The following RICTOR variants were observed in gnomAD, a reference collection of about 807,000 sequenced individuals.
The protein encoded by RICTOR is RPTOR independent companion of MTOR complex 2, also known as rapamycin-insensitive companion of mTOR.
RICTOR carries 49 observed loss-of-function variants against 214.9 expected under a neutral mutation model. That is an observed-to-expected ratio of 0.23 (90% CI 0.18 to 0.29). The LOEUF is 0.29. Ranked by LOEUF, RICTOR falls within the 10% of genes least tolerant of loss-of-function variation. The pLI is 1.00. For synonymous variants in RICTOR, 717 were observed against 711.3 expected, an observed-to-expected ratio of 1.01 and a Z score of -0.13; for missense variants, 1,625 against 2,047.0, an observed-to-expected ratio of 0.79 and a Z score of 3.98.
chr5:38,998,662 T>C (rs1194541982), intron 5 of RICTOR, among the ~76,000 whole-genome samples: 1 of 152,144 alleles, frequency 6.6e-6, no homozygotes, highest in African/African-American at 2.4e-5. Flanking sequence ...ATGGTTAATA[T>C]GCTAAAGAAA....
intron 2 of RICTOR, among the ~76,000 whole-genome samples, chr5:39,073,749 C>T (rs948516471): frequency 1.3e-5 from 2 of 152,200 alleles, no homozygotes; most frequent in African/African-American, 4.8e-5. Context: ...ACAGCCTCTA[C>T]CTCCCTCCAG....
chr5:38,997,479 T>C (rs1753263110), intron 5 of RICTOR, among the ~76,000 whole-genome samples: 1 of 152,188 alleles, frequency 6.6e-6, no homozygotes, highest in African/African-American at 2.4e-5. Flanking sequence ...CAGTTCATTA[T>C]TCTAATCAAT....
chr5:38,977,771 G>C (rs1361427254), intron 9 of RICTOR, among the ~76,000 whole-genome samples: 1 of 151,710 alleles, frequency 6.6e-6, no homozygotes, highest in African/African-American at 2.4e-5. Context: ...ATTTTTAGTA[G>C]AGACGGGGTT....
intron 5 of RICTOR, among the ~76,000 whole-genome samples, chr5:38,997,314 A>G (rs1167379980): frequency 1.3e-5 from 2 of 152,196 alleles, no homozygotes; most frequent in East Asian, 3.8e-4. Context: ...CACTATCCAT[A>G]AAAATTCTAT....
rs933284985 is a variant in RICTOR, at chr5:38,938,230, G to A, written c.*4074C>T. ...CCAGAACCTCCAAATATGTAGCAGC[G>A]TATTACTAAATAAAAAAGAAGAAAC... On this transcript the variant is annotated 3_prime_UTR_variant, in exon 38 of 38. Coordinates refer to ENST00000357387, the MANE Select transcript of RICTOR (RefSeq NM_152756.5). The A allele has an allele frequency of 1.3e-5, 3 of 224,378 alleles. No individual in the cohort carries two copies. The highest frequency in any genetic ancestry group is 6.5e-5 in the East Asian group (1 of 15,372). 13.9% of individuals were successfully genotyped at this position (224,378 alleles called of 1,614,324 possible).
rs1423972657 is a variant in RICTOR at position 38,944,957 on chromosome 5, T to C, written c.4745A>G (p.Gln1582Arg). 1 of 1,614,068 alleles carries C rather than the reference T, an allele frequency of 6.2e-7. No homozygotes were observed. Among genetic ancestry groups the C allele is most frequent in the Non-Finnish European group, 8.5e-7 (1 of 1,179,942 alleles). ...GISGCSDGVS[Q>R]EGSASSTKST... is the part of the protein sequence containing the mutation. ...TTTGGTGCTGCTAGCTGAGCCTTCTTGAGACACCCCATCACTGCATCCAGA... is the reference window on the plus strand; with the variant it reads ...TTTGGTGCTGCTAGCTGAGCCTTCTCGAGACACCCCATCACTGCATCCAGA... Residue 1582 changes from glutamine to arginine, a missense_variant, in exon 35 of 38, where the codon CAA (glutamine) becomes CGA (arginine). By Grantham distance (43) the Gln-to-Arg change is conservative. Around this residue, in one of 5 missense-constraint regions of RICTOR, gnomAD observed 1,214 missense variants for 1,470.5 expected, o/e 0.83. Coordinates refer to ENST00000357387, the MANE Select transcript of RICTOR (RefSeq NM_152756.5).
At chr5:39,019,262 G>C (rs1755207887) in intron 3 of RICTOR, among the ~76,000 whole-genome samples, 1 of 152,140 alleles carries the variant, frequency 6.6e-6, no homozygotes, top group Admixed American at 6.5e-5. Flanking sequence ...CACTGACCAA[G>C]GTAGCTACAC....
intron 2 of RICTOR, among the ~76,000 whole-genome samples, chr5:39,031,663 C>A (rs1158879477): frequency 6.6e-6 from 1 of 152,106 alleles, no homozygotes; most frequent in African/African-American, 2.4e-5. Context: ...GGGAGTAGAG[C>A]TGAACAATGC....
At chr5:39,010,327 A>G (rs541867122) in intron 3 of RICTOR, among the ~76,000 whole-genome samples, 3 of 152,280 alleles carry the variant, frequency 2.0e-5, no homozygotes, top group Non-Finnish European at 4.4e-5. Flanking sequence ...GCAGAACTGT[A>G]AGTCAATTAA....
In RICTOR at chr5:38,953,094, GA is replaced by G. The variant is rs1362670840; in HGVS notation, c.2791-4del. 3 of 1,563,430 alleles carry G rather than the reference GA, an allele frequency of 1.9e-6. No homozygotes were observed. In the African/African-American group the frequency reaches 4.1e-5, roughly 21 times the overall value. On this transcript the variant is annotated splice_polypyrimidine_tract_variant and splice_region_variant and intron_variant, in intron 28 of 37. Transcript: ENST00000357387. The stretch of plus-strand genomic sequence containing the variant: ...CAATTTGATGAGCCGATATTTCCCT[GA>G]AAGAAAAGAAATCACTTACATCAAA...
intron 3 of RICTOR, among the ~76,000 whole-genome samples, chr5:39,008,546 G>T (rs780127397): frequency 6.6e-6 from 1 of 152,000 alleles, no homozygotes; most frequent in Non-Finnish European, 1.5e-5. Context: ...TTTACACAGG[G>T]TTGGGGGTTA....
chr5:39,048,980 T>C (rs182733496), intron 2 of RICTOR, among the ~76,000 whole-genome samples: 11 of 152,190 alleles, frequency 7.2e-5, no homozygotes, highest in Admixed American at 2.0e-4. Context: ...GGTAACACTG[T>C]AAACAAAACA....
chr5:39,021,245 T>C, intron 2 of RICTOR, 109 bp from the exon 3 acceptor site: 1 of 712,564 alleles, frequency 1.4e-6, no homozygotes, highest in South Asian at 1.6e-5. Context: ...TGGTTTAAAG[T>C]CTTACCCTCC....
intron 22 of RICTOR, among the ~76,000 whole-genome samples, 166 bp downstream of exon 22, chr5:38,959,029 T>C (rs1467523260): frequency 2.0e-5 from 3 of 152,058 alleles, no homozygotes; most frequent in South Asian, 2.1e-4. Context: ...CTTCCCCCGA[T>C]ACAAAAATCT....
chr5:39,074,348 C>A lies in RICTOR; in HGVS notation c.30G>T (p.Leu10=), dbSNP rs1359551627. ...GCTTACCTCGTACTCGGAGGTTCTT[C>A]AGAGAGCGGCCGCGGCCGATCGCCG... MAAIGRGRS[L]KNLRVRGRND... is the part of the protein sequence containing the mutation. Residue 10 remains leucine, a synonymous_variant, in exon 1 of 38, where the codon CTG becomes CTT. Transcript: ENST00000357387. The A allele has an allele frequency of 6.5e-7, 1 of 1,539,870 alleles. No homozygotes were observed. Among genetic ancestry groups the A allele is most frequent in the Non-Finnish European group, 8.8e-7 (1 of 1,142,524 alleles).
intron 2 of RICTOR, among the ~76,000 whole-genome samples, chr5:39,066,581 C>T (rs76808200): frequency 0.025 from 3,856 of 152,344 alleles, 73 homozygotes; most frequent in South Asian, 0.082. Context: ...CATGGCTAGG[C>T]TGCAAATTTC....
chr5:38,997,084 A>T lies in RICTOR; in HGVS notation c.393-202T>A, dbSNP rs7735272. Among the ~76,000 whole-genome samples, 696 of 152,224 alleles carry T rather than the reference A, an allele frequency of 4.6e-3. 6 individuals carry two copies. The highest frequency in any genetic ancestry group is 0.015 in the African/African-American group (618 of 41,556). On this transcript the variant is annotated intron_variant, in intron 5 of 37. Transcript: ENST00000357387. ...TAAATATCTGTCATTTAAAAGACCAATTTTTTCTTTTAAAACGTTAGGAAA... is the reference window on the plus strand; with the variant it reads ...TAAATATCTGTCATTTAAAAGACCATTTTTTTCTTTTAAAACGTTAGGAAA...
chr5:39,028,922 G>GA (rs1437567826), intron 2 of RICTOR, among the ~76,000 whole-genome samples: 2 of 151,688 alleles, frequency 1.3e-5, no homozygotes, highest in African/African-American at 4.8e-5. Flanking sequence ...ATATTAATAA[G>GA]AAAAAAACAA....
intron 6 of RICTOR, among the ~76,000 whole-genome samples, chr5:38,995,115 A>G (rs1266542107): frequency 6.6e-6 from 1 of 152,190 alleles, no homozygotes; most frequent in Non-Finnish European, 1.5e-5. Context: ...CTCTAAAACA[A>G]TAGCCCTCTT....
Sources: gnomAD v4.1 joint callset for allele counts (sites outside exome capture counted in the v4.1 genomes callset) on GRCh38, gnomAD v4.1.1 for gene constraint, gnomAD v4.1.1 regional missense constraint, MANE v1.5 for transcripts, NCBI Gene and HGNC (gene_info 2026-07-23, HGNC 2026-07-21) for gene names.